Variants in SYNPR observed in about 807,000 individuals in gnomAD.
SYNPR encodes the protein synaptoporin.
A neutral mutation model predicts 32.9 loss-of-function variants in SYNPR; 23 were observed. That is an observed-to-expected ratio of 0.70 (90% CI 0.50 to 0.99). The LOEUF is 0.99. Ranked by LOEUF, SYNPR falls within the 50% of genes least tolerant of loss-of-function variation. SYNPR has a pLI of 0.00. For missense variants in SYNPR, 318 were observed against 349.3 expected (o/e 0.91, Z 0.71); for synonymous variants, 146 against 135.9 (o/e 1.07, Z -0.52).
intron 2 of SYNPR, among the ~76,000 whole-genome samples, chr3:63,403,579 C>T (rs1013682535): frequency 3.9e-5 from 6 of 152,038 alleles, no homozygotes; most frequent in African/African-American, 1.2e-4. Flanking sequence ...AGCACAGGAA[C>T]CCAGAAGCTA....
intron 2 of SYNPR, among the ~76,000 whole-genome samples, chr3:63,454,526 T>C (rs776327201): frequency 5.9e-5 from 9 of 152,146 alleles, no homozygotes; most frequent in Admixed American, 1.3e-4. Context: ...AACAGGTGAA[T>C]TGCATATTGA....
chr3:63,475,978 A>C (rs1054885093), intron 2 of SYNPR, among the ~76,000 whole-genome samples: 2 of 151,790 alleles, frequency 1.3e-5, no homozygotes, highest in Non-Finnish European at 2.9e-5. Flanking sequence ...TATGTCTTCC[A>C]AGGTCCTCCT....
intron 2 of SYNPR, among the ~76,000 whole-genome samples, chr3:63,296,609 C>T (rs2086793613): frequency 6.6e-6 from 1 of 152,154 alleles, no homozygotes; most frequent in South Asian, 2.1e-4. Flanking sequence ...ATTGGGAGTA[C>T]ATCTTGGGCC....
At chr3:63,539,115 A>T (rs1476836726) in intron 3 of SYNPR, among the ~76,000 whole-genome samples, 4 of 152,204 alleles carry the variant, frequency 2.6e-5, no homozygotes, top group Middle Eastern at 3.4e-3. Context: ...CTGCACCAGG[A>T]CATCTGTTGT....
At chr3:63,573,692 T>G (rs981692518) in intron 4 of SYNPR, among the ~76,000 whole-genome samples, 7 of 152,120 alleles carry the variant, frequency 4.6e-5, no homozygotes, top group African/African-American at 1.4e-4. Flanking sequence ...AACACCATCA[T>G]GTAGTTCAGG....
intron 2 of SYNPR, among the ~76,000 whole-genome samples, chr3:63,266,150 G>C (rs2086483693): frequency 6.6e-6 from 1 of 152,122 alleles, no homozygotes; most frequent in Non-Finnish European, 1.5e-5. Context: ...TGATGTGAAA[G>C]GGAAACAAAC....
chr3:63,427,646 G>A (rs1358833430), intron 2 of SYNPR: 3 of 152,248 alleles, frequency 2.0e-5, no homozygotes. Context: ...CACAATGGAG[G>A]AGTGGGTGGA....
At chr3:63,429,650 T>C (rs1162450470) in intron 2 of SYNPR, among the ~76,000 whole-genome samples, 3 of 152,254 alleles carry the variant, frequency 2.0e-5, no homozygotes, top group Admixed American at 6.5e-5. Context: ...TGTTTTAAAA[T>C]AGAGTTGATG....
At chr3:63,288,988 T>C (rs1000605767) in intron 2 of SYNPR, among the ~76,000 whole-genome samples, 2 of 152,222 alleles carry the variant, frequency 1.3e-5, no homozygotes, top group Non-Finnish European at 2.9e-5. Flanking sequence ...ACAGAGCAGA[T>C]TGCATAAATC....
At chr3:63,552,577 G>C (rs1445136241) in intron 3 of SYNPR, among the ~76,000 whole-genome samples, 3 of 152,156 alleles carry the variant, frequency 2.0e-5, no homozygotes, top group Non-Finnish European at 4.4e-5. Context: ...GGATTTTCCT[G>C]CTTTAGCTGT....
At chr3:63,416,205 A>C (rs574024963) in intron 2 of SYNPR, among the ~76,000 whole-genome samples, 2 of 152,314 alleles carry the variant, frequency 1.3e-5, no homozygotes, top group South Asian at 4.1e-4. Flanking sequence ...ACGTGCAGTC[A>C]CATGTAAACA....
intron 2 of SYNPR, among the ~76,000 whole-genome samples, chr3:63,282,601 T>G (rs1437544693): frequency 6.6e-6 from 1 of 151,552 alleles, no homozygotes; most frequent in East Asian, 1.9e-4. Flanking sequence ...GAGGATCGCT[T>G]GAGCCCACGA....
rs1408391140 is a variant in SYNPR at position 63,295,542 on chromosome 3, G to A, written c.84+16800G>A. On this transcript the variant is annotated intron_variant, in intron 2 of 5. Transcript: ENST00000478300. ...TTTGTCAAGAGCCAGTACTTGGCAGGGCAAAATCAACCAAGGTGGTGGTTT... is the reference window on the plus strand; with the variant it reads ...TTTGTCAAGAGCCAGTACTTGGCAGAGCAAAATCAACCAAGGTGGTGGTTT... Among the ~76,000 whole-genome samples the A allele has an allele frequency of 2.6e-5, 4 of 152,088 alleles. No homozygotes were observed. The East Asian group carries it at 7.7e-4, about 29-fold the overall frequency.
the SYNPR span, among the ~76,000 whole-genome samples, chr3:63,221,108 C>T: frequency 2.0e-5 from 3 of 152,118 alleles, no homozygotes; most frequent in South Asian, 4.1e-4. Context: ...TGGATATGAA[C>T]ATCTTACATT....
At chr3:63,487,806 G>T (rs1299178182) in intron 3 of SYNPR, among the ~76,000 whole-genome samples, 1 of 152,186 alleles carries the variant, frequency 6.6e-6, no homozygotes, top group Non-Finnish European at 1.5e-5. Flanking sequence ...ATCCTTGGGA[G>T]GTTGGCATCG....
chr3:63,266,717 A>AAAAAAAC (rs1276996606), intron 2 of SYNPR, among the ~76,000 whole-genome samples: 2 of 140,630 alleles, frequency 1.4e-5, no homozygotes, highest in African/African-American at 5.0e-5. Flanking sequence ...CAAAAAAAAA[A>AAAAAAAC]ACACAAAAAA....
At chr3:63,288,399 G>A (rs2086706185) in intron 2 of SYNPR, among the ~76,000 whole-genome samples, 1 of 152,194 alleles carries the variant, frequency 6.6e-6, no homozygotes, top group Non-Finnish European at 1.5e-5. Flanking sequence ...TATTGAAGTA[G>A]CACTGGTAAT....
chr3:63,561,663 C>A (rs975708761), intron 4 of SYNPR, among the ~76,000 whole-genome samples: 1 of 152,234 alleles, frequency 6.6e-6, no homozygotes, highest in African/African-American at 2.4e-5. Context: ...ATGCATCTGT[C>A]GTACTAGAAC....
intron 2 of SYNPR, among the ~76,000 whole-genome samples, chr3:63,374,236 G>GT (rs1243425704): frequency 1.3e-5 from 2 of 152,248 alleles, no homozygotes; most frequent in South Asian, 2.1e-4. Flanking sequence ...TTTGTTGAGG[G>GT]TTTTTTAATA....
Sources: gnomAD v4.1 joint callset for allele counts (sites outside exome capture counted in the v4.1 genomes callset) on GRCh38, gnomAD v4.1.1 for gene constraint, MANE v1.5 for transcripts, NCBI Gene and HGNC (gene_info 2026-07-23, HGNC 2026-07-21) for gene names.